The following ADSS2 variants were observed in gnomAD, a reference collection of about 807,000 sequenced individuals.
ADSS2 encodes adenylosuccinate synthase 2, also known as adenylosuccinate synthetase isozyme 2.
Under a neutral mutation model 60.0 loss-of-function variants are expected in ADSS2, and 30 were observed. That is an observed-to-expected ratio of 0.50 (90% CI 0.37 to 0.68). The LOEUF (loss-of-function observed/expected upper bound fraction) is 0.68. ADSS2 is among the 30% of genes least tolerant of loss of function. ADSS2 has a pLI of 0.00. For synonymous variants in ADSS2, 187 were observed against 193.1 expected (o/e 0.97, Z 0.26); for missense variants, 373 against 554.8 (o/e 0.67, Z 3.29).
chr1:244,444,493 C>T lies in ADSS2; in HGVS notation c.184-6725G>A, dbSNP rs1316771596. Among the ~76,000 whole-genome samples the T allele has an allele frequency of 1.4e-4, 12 of 86,892 alleles. No individual in the cohort carries two copies. The Admixed American group carries it at 1.4e-3, about 10-fold the overall frequency. 57.0% of individuals were successfully genotyped at this position (86,892 alleles called of 152,430 possible). On this transcript the variant is annotated intron_variant, in intron 1 of 12. Coordinates refer to ENST00000366535, the MANE Select transcript of ADSS2 (RefSeq NM_001126.5). ...TCCCGCCACTGCACTCCAGCCTGGG[C>T]GACAGAGCGAGACTCCATCTCAAAA...
intron 1 of ADSS2, among the ~76,000 whole-genome samples, chr1:244,439,058 A>G (rs1665171481): frequency 6.6e-6 from 1 of 151,994 alleles, no homozygotes; most frequent in Non-Finnish European, 1.5e-5. Flanking sequence ...TACCTTTCCC[A>G]GCGTTTGGTA....
At chr1:244,441,280 G>A (rs375601854) in intron 1 of ADSS2, among the ~76,000 whole-genome samples, 47 of 152,054 alleles carry the variant, frequency 3.1e-4, no homozygotes, top group African/African-American at 1.1e-3. Flanking sequence ...GGATGGTCTC[G>A]ATCTCCTGAC....
chr1:244,426,125 C>A lies in ADSS2; in HGVS notation c.407-1738G>T, dbSNP rs1014481063. Among the ~76,000 whole-genome samples the A allele has an allele frequency of 2.0e-5, 3 of 152,236 alleles. No homozygotes were observed. In the East Asian group the frequency reaches 5.8e-4, roughly 29 times the overall value. On this transcript the variant is annotated intron_variant, in intron 4 of 12. Transcript: ENST00000366535. Reference sequence around the variant, plus strand: ...CCCAAGCAATAGTCTTTCTCAGTTACTTGAGAGGCCAGAATAGTTCTGAAG... The same window carrying A: ...CCCAAGCAATAGTCTTTCTCAGTTAATTGAGAGGCCAGAATAGTTCTGAAG...
intron 1 of ADSS2, among the ~76,000 whole-genome samples, chr1:244,450,463 A>C (rs555156897): frequency 6.6e-6 from 1 of 152,366 alleles, no homozygotes; most frequent in South Asian, 2.1e-4. Context: ...ATTTGCATTT[A>C]GCTTTTTAAC....
At chr1:244,410,765 G>A (rs1381806941) in intron 12 of ADSS2, among the ~76,000 whole-genome samples, 1 of 152,132 alleles carries the variant, frequency 6.6e-6, no homozygotes, top group East Asian at 1.9e-4. Flanking sequence ...CAGAAAGGGT[G>A]AGAAGTAATC....
At chr1:244,440,792 T>C (rs1387541079) in intron 1 of ADSS2, among the ~76,000 whole-genome samples, 1 of 152,222 alleles carries the variant, frequency 6.6e-6, no homozygotes, top group Non-Finnish European at 1.5e-5. Context: ...GCTTGCGTAC[T>C]TCCATAACCT....
At chr1:244,415,258 G>A (rs568604853) in intron 11 of ADSS2, among the ~76,000 whole-genome samples, 2 of 152,230 alleles carry the variant, frequency 1.3e-5, no homozygotes, top group South Asian at 4.1e-4. Context: ...TTAAGAACCA[G>A]GACATAACAT....
At chr1:244,428,090 T>C (rs1664848389) in intron 4 of ADSS2, among the ~76,000 whole-genome samples, 1 of 152,184 alleles carries the variant, frequency 6.6e-6, no homozygotes, top group African/African-American at 2.4e-5. Context: ...AGTTGGGATA[T>C]AGGATTTGAA....
rs148379010 is a variant in ADSS2 at position 244,443,295 on chromosome 1, A to C, written c.184-5527T>G. On this transcript the variant is annotated intron_variant, in intron 1 of 12. Coordinates refer to ENST00000366535, the MANE Select transcript of ADSS2 (RefSeq NM_001126.5). ...AATCACATTAACAGTTACACTAACT[A>C]CCTCCTGCTTCTTTGCCAAACTCCC... is the stretch of plus-strand genomic sequence containing the variant. Among the ~76,000 whole-genome samples the C allele has an allele frequency of 2.6e-5, 4 of 152,318 alleles. No individual in the cohort carries two copies. The East Asian group carries it at 5.8e-4, about 22-fold the overall frequency.
rs773483912 is a variant in ADSS2 at position 244,451,803 on chromosome 1, C to A, written c.15G>T (p.Glu5Asp). 1 of 1,590,948 alleles carries A rather than the reference C, an allele frequency of 6.3e-7. No homozygotes were observed. Among genetic ancestry groups the A allele is most frequent in the East Asian group, 2.3e-5 (1 of 43,852 alleles). Residue 5 changes from glutamate to aspartate, a missense_variant, in exon 1 of 13, where the codon GAG (glutamate) becomes GAT (aspartate). Transcript: ENST00000366535. The surrounding 1 kb of genome is among the most constrained non-coding windows in gnomAD (Gnocchi z 6.6). ...GCAGGGAGGATGCCGCCGGGTAGGT[C>A]TCGGCGAACGCCATGGCTCCAGTGA... MAFA[E>D]TYPAASSLPN...
Position 244,451,790 on chromosome 1 carries a change from C to T in ADSS2, c.28G>A (p.Ala10Thr), listed in dbSNP as rs1265399368. 3 of 1,595,924 alleles carry T rather than the reference C, an allele frequency of 1.9e-6. No homozygotes were observed. Among genetic ancestry groups the T allele is most frequent in the Admixed American group, 1.7e-5 (1 of 57,904 alleles). ...CAATCGCCGTTGGGCAGGGAGGATGCCGCCGGGTAGGTCTCGGCGAACGCC... is the reference window on the plus strand; with the variant it reads ...CAATCGCCGTTGGGCAGGGAGGATGTCGCCGGGTAGGTCTCGGCGAACGCC... Reference protein sequence around the residue: MAFAETYPAASSLPNGDCGR... With the variant: MAFAETYPATSSLPNGDCGR... Residue 10 changes from alanine to threonine, a missense_variant, in exon 1 of 13, where the codon GCA becomes ACA. Physicochemically the swap from Ala to Thr is moderately conservative, Grantham distance 58. Transcript: ENST00000366535. The surrounding 1 kb of genome is among the most constrained non-coding windows in gnomAD (Gnocchi z 6.6).
chr1:244,411,307 T>C lies in ADSS2; in HGVS notation c.1298A>G (p.Glu433Gly). 1 of 1,611,816 alleles carries C rather than the reference T, an allele frequency of 6.2e-7. No individual in the cohort carries two copies. Among genetic ancestry groups the C allele is most frequent in the Non-Finnish European group, 8.5e-7 (1 of 1,179,454 alleles). Residue 433 changes from glutamate to glycine, a missense_variant, in exon 12 of 13, where the codon GAA becomes GGA. Transcript: ENST00000366535. ...TTTACCTGGAATTTGAAGCTCATCT[T>C]CAATAAATCGAACATAGTTTTGTGC... is the stretch of plus-strand genomic sequence containing the variant. ...VNAQNYVRFI[E>G]DELQIPVKWI... is the part of the protein sequence containing the mutation.
At chr1:244,415,907 TG>T in intron 11 of ADSS2, 73 bp downstream of exon 11, 3 of 1,098,530 alleles carry the variant, frequency 2.7e-6, no homozygotes, top group Non-Finnish European at 4.0e-6. Flanking sequence ...ACAAATTATA[TG>T]GAAGAGCTTT....
chr1:244,415,382 T>A (rs1664506169), intron 11 of ADSS2, among the ~76,000 whole-genome samples: 1 of 152,218 alleles, frequency 6.6e-6, no homozygotes, highest in Non-Finnish European at 1.5e-5. Context: ...CAAGGAAAGA[T>A]AATATGCATT....
intron 1 of ADSS2, among the ~76,000 whole-genome samples, chr1:244,449,492 A>T (rs2148018344): frequency 6.6e-6 from 1 of 152,338 alleles, no homozygotes; most frequent in Admixed American, 6.5e-5. Flanking sequence ...CTCTATACAC[A>T]CTCACTAAGA....
At chr1:244,430,361 A>G (rs1664911283) in intron 4 of ADSS2, among the ~76,000 whole-genome samples, 1 of 152,240 alleles carries the variant, frequency 6.6e-6, no homozygotes, top group African/African-American at 2.4e-5. Flanking sequence ...TCCAGACAGG[A>G]ACAGGGATAT....
chr1:244,444,938 C>G (rs1665348559), intron 1 of ADSS2, among the ~76,000 whole-genome samples: 1 of 152,104 alleles, frequency 6.6e-6, no homozygotes, highest in South Asian at 2.1e-4. Context: ...CAGTCCCCCT[C>G]CTTTTCCCCT....
chr1:244,430,136 A>G (rs1664904513), intron 4 of ADSS2, among the ~76,000 whole-genome samples: 1 of 152,078 alleles, frequency 6.6e-6, no homozygotes, highest in African/African-American at 2.4e-5. Flanking sequence ...TATAACTATA[A>G]ATAAAATAAT....
chr1:244,426,678 T>C (rs964289363), intron 4 of ADSS2, among the ~76,000 whole-genome samples: 3 of 152,182 alleles, frequency 2.0e-5, no homozygotes, highest in African/African-American at 7.2e-5. Flanking sequence ...TTGGTACATG[T>C]AATAGCCACT....
Sources: allele counts gnomAD v4.1 joint callset (sites outside exome capture counted in the v4.1 genomes callset), GRCh38; gene constraint gnomAD v4.1.1; non-coding constraint Gnocchi (gnomAD v3.1); transcripts MANE v1.5; gene names NCBI Gene and HGNC (gene_info 2026-07-23, HGNC 2026-07-21).